SLC24A2: variants seen among roughly 807,000 people sequenced by gnomAD.
The protein encoded by SLC24A2 is sodium/potassium/calcium exchanger 2.
Under a neutral mutation model 62.0 loss-of-function variants are expected in SLC24A2, and 36 were observed. That is an observed-to-expected ratio of 0.58 (90% CI 0.44 to 0.77). SLC24A2 has a LOEUF of 0.77. SLC24A2 is among the 30% of genes least tolerant of loss of function. SLC24A2 has a pLI of 0.00. For synonymous variants in SLC24A2, 358 were observed against 294.0 expected (o/e 1.22, Z -2.23); for missense variants, 846 against 817.9 (o/e 1.03, Z -0.42).
the SLC24A2 span, among the ~76,000 whole-genome samples, chr9:20,187,870 C>T: frequency 2.6e-5 from 4 of 152,180 alleles, no homozygotes; most frequent in Non-Finnish European, 5.9e-5. Flanking sequence ...ACCTCAGACC[C>T]ACTGAATCAA....
chr9:19,630,127 T>G (rs1006160985), intron 2 of SLC24A2, among the ~76,000 whole-genome samples: 1 of 152,182 alleles, frequency 6.6e-6, no homozygotes, highest in East Asian at 1.9e-4. Flanking sequence ...AAGAATATAC[T>G]TAAGAGGATT....
the SLC24A2 span, among the ~76,000 whole-genome samples, chr9:19,897,791 C>A: frequency 2.6e-5 from 4 of 152,128 alleles, no homozygotes; most frequent in Non-Finnish European, 4.4e-5. Flanking sequence ...CCTACAGCTA[C>A]AAGGGACAAA....
chr9:19,716,349 T>C (rs1820859588), intron 2 of SLC24A2, among the ~76,000 whole-genome samples: 1 of 152,236 alleles, frequency 6.6e-6, no homozygotes. Context: ...GGCTTATTCA[T>C]TATTTCATTC....
the SLC24A2 span, among the ~76,000 whole-genome samples, chr9:20,285,762 G>A: frequency 6.6e-6 from 1 of 152,304 alleles, no homozygotes; most frequent in African/African-American, 2.4e-5. Context: ...TCATAAGGGT[G>A]GGGCCCTAAT....
chr9:19,711,043 G>GA (rs1229609146), intron 2 of SLC24A2, among the ~76,000 whole-genome samples: 10 of 152,184 alleles, frequency 6.6e-5, no homozygotes, highest in Non-Finnish European at 1.3e-4. Flanking sequence ...AGTAGTAGCA[G>GA]AAAAAATATT....
intron 4 of SLC24A2, among the ~76,000 whole-genome samples, chr9:19,618,319 G>A (rs889849208): frequency 2.0e-5 from 3 of 152,132 alleles, no homozygotes; most frequent in African/African-American, 7.2e-5. Context: ...TTGTCAAATG[G>A]ACCTCCGTGT....
chr9:19,680,846 CAG>C (rs1491530739), intron 2 of SLC24A2, among the ~76,000 whole-genome samples: 33 of 124,022 alleles, frequency 2.7e-4, no homozygotes, highest in African/African-American at 8.8e-4. Flanking sequence ...AAATATATAC[CAG>C]AGTTGTGTGT....
chr9:19,660,237 A>C (rs1267022621), intron 2 of SLC24A2, among the ~76,000 whole-genome samples: 2 of 152,192 alleles, frequency 1.3e-5, no homozygotes, highest in Non-Finnish European at 2.9e-5. Context: ...ATTTCTTTTA[A>C]GGATGACACT....
At chr9:19,841,192 T>C in the SLC24A2 span, among the ~76,000 whole-genome samples, 1 of 152,166 alleles carries the variant, frequency 6.6e-6, no homozygotes, top group Non-Finnish European at 1.5e-5. Context: ...TCTCTGTTTT[T>C]GTGGAGATTG....
chr9:19,837,913 A>C, the SLC24A2 span, among the ~76,000 whole-genome samples: 1 of 152,034 alleles, frequency 6.6e-6, no homozygotes, highest in Non-Finnish European at 1.5e-5. Context: ...TCAATGAAAT[A>C]AAAGAGGTTA....
chr9:19,572,658 C>T (rs1450078456), intron 7 of SLC24A2, among the ~76,000 whole-genome samples: 1 of 152,192 alleles, frequency 6.6e-6, no homozygotes, highest in Non-Finnish European at 1.5e-5. Flanking sequence ...TCAATTAAAC[C>T]TCTTTTCTTC....
At chr9:19,580,954 G>T (rs1276689005) in intron 5 of SLC24A2, among the ~76,000 whole-genome samples, 3 of 152,188 alleles carry the variant, frequency 2.0e-5, no homozygotes, top group African/African-American at 7.2e-5. Flanking sequence ...GGGCTGAGCT[G>T]CAGGGGTCTT....
chr9:20,259,950 G>A, the SLC24A2 span, among the ~76,000 whole-genome samples: 2 of 152,158 alleles, frequency 1.3e-5, no homozygotes, highest in African/African-American at 4.8e-5. Flanking sequence ...TTAGCTGGGT[G>A]GCATACATCC....
chr9:19,773,474 A>T (rs1822750860), intron 2 of SLC24A2, among the ~76,000 whole-genome samples: 1 of 152,362 alleles, frequency 6.6e-6, no homozygotes, highest in East Asian at 1.9e-4. Context: ...CTGAGGGGAC[A>T]GGAGGGTTTC....
At chr9:19,575,130 C>T (rs1338735735) in intron 6 of SLC24A2, among the ~76,000 whole-genome samples, 1 of 152,176 alleles carries the variant, frequency 6.6e-6, no homozygotes, top group Admixed American at 6.5e-5. Flanking sequence ...AATATAGACA[C>T]ATGAATAGAT....
At chr9:19,974,092 C>G in the SLC24A2 span, among the ~76,000 whole-genome samples, 1 of 152,058 alleles carries the variant, frequency 6.6e-6, no homozygotes, top group African/African-American at 2.4e-5. Context: ...TATATGGTTT[C>G]CGGTATATGA....
the SLC24A2 span, among the ~76,000 whole-genome samples, chr9:20,047,403 A>T: frequency 6.6e-6 from 1 of 151,962 alleles, no homozygotes; most frequent in Non-Finnish European, 1.5e-5. Context: ...GGTCAGAGTC[A>T]GGTTAAATGT....
chr9:19,838,376 C>G, the SLC24A2 span, among the ~76,000 whole-genome samples: 4 of 151,890 alleles, frequency 2.6e-5, no homozygotes, highest in Admixed American at 2.6e-4. Context: ...ATGGAGAAAG[C>G]TGAAACTGGA....
chr9:20,204,651 T>C, the SLC24A2 span, among the ~76,000 whole-genome samples: 2 of 152,136 alleles, frequency 1.3e-5, no homozygotes, highest in South Asian at 4.1e-4. Flanking sequence ...AGTTACTGTA[T>C]TCTGCATCAC....
Sources: allele counts gnomAD v4.1 joint callset (sites outside exome capture counted in the v4.1 genomes callset), GRCh38; gene constraint gnomAD v4.1.1; transcripts MANE v1.5; gene names NCBI Gene and HGNC (gene_info 2026-07-23, HGNC 2026-07-21).